SLC9B1: variants seen among roughly 807,000 people sequenced by gnomAD.
SLC9B1 encodes the protein sodium/hydrogen exchanger 9B1.
SLC9B1 carries 32 observed loss-of-function variants against 51.7 expected under a neutral mutation model. That is an observed-to-expected ratio of 0.62 (90% CI 0.47 to 0.83). The LOEUF (loss-of-function observed/expected upper bound fraction) is 0.83. Among genes scored for constraint, SLC9B1 ranks in the 40% least tolerant of loss-of-function variants. SLC9B1 has a pLI of 0.00. For synonymous variants in SLC9B1, 145 were observed against 212.7 expected, an observed-to-expected ratio of 0.68 and a Z score of 2.77; for missense variants, 406 against 613.2, an observed-to-expected ratio of 0.66 and a Z score of 3.57.
intron 4 of SLC9B1, among the ~76,000 whole-genome samples, chr4:102,948,325 TACACACACACACAC>T (rs375091561): frequency 7.8e-5 from 10 of 127,548 alleles, no homozygotes; most frequent in Non-Finnish European, 1.1e-4. Flanking sequence ...GGCAAAGCCA[TACACACACACACAC>T]ACACACACAC....
intron 3 of SLC9B1, among the ~76,000 whole-genome samples, chr4:102,968,737 C>A (rs568449218): frequency 4.7e-4 from 72 of 152,326 alleles, no homozygotes; most frequent in African/African-American, 1.7e-3. Flanking sequence ...ATCGCCTCAT[C>A]CGGGAAGCAG....
At chr4:102,951,516 G>A (rs1179759886) in intron 3 of SLC9B1, among the ~76,000 whole-genome samples, 1 of 151,684 alleles carries the variant, frequency 6.6e-6, no homozygotes, top group Non-Finnish European at 1.5e-5. Context: ...GACATGAGAA[G>A]AAGAAATTAC....
chr4:102,931,178 A>T (rs1480820422), intron 7 of SLC9B1, among the ~76,000 whole-genome samples: 1 of 150,472 alleles, frequency 6.6e-6, no homozygotes, highest in African/African-American at 2.5e-5. Context: ...GTGAGCCGAG[A>T]TTGTGCCACT....
chr4:102,923,263 C>G (rs1211978885), intron 7 of SLC9B1, among the ~76,000 whole-genome samples: 1 of 152,176 alleles, frequency 6.6e-6, no homozygotes, highest in African/African-American at 2.4e-5. Flanking sequence ...TCAACATACA[C>G]AAATCAATAA....
At chr4:102,974,327 T>G (rs560428813) in intron 3 of SLC9B1, among the ~76,000 whole-genome samples, 42 of 140,754 alleles carry the variant, frequency 3.0e-4, no homozygotes, top group African/African-American at 1.1e-3. Context: ...AAATAGACAT[T>G]AATAAACTAT....
At chr4:103,007,780 C>T (rs1187933430) in intron 1 of SLC9B1, among the ~76,000 whole-genome samples, 3 of 151,528 alleles carry the variant, frequency 2.0e-5, no homozygotes, top group South Asian at 2.1e-4. Flanking sequence ...TTTGTAGGGA[C>T]GGGGTCTCCC....
rs765709645 is a variant in SLC9B1 at position 102,951,960 on chromosome 4, CTT to C, written c.212-2535_212-2534del. On this transcript the variant is annotated intron_variant, in intron 3 of 11. Coordinates refer to ENST00000296422, the MANE Select transcript of SLC9B1 (RefSeq NM_139173.4). The stretch of plus-strand genomic sequence containing the variant: ...AGACTACCAAAGGCAAAAATAAAAT[CTT>C]TTTTTTTTTTTTTTTTTTATTATAC... 1.1e-3 allele frequency among the ~76,000 whole-genome samples: 7 copies of C among 6,552 alleles called. 3 individuals are homozygous for C. Among genetic ancestry groups the C allele is most frequent in the Admixed American group, 5.0e-3 (2 of 400 alleles). The allele number at this position is 6,552 out of a possible 152,430, so 4.3% of individuals were successfully genotyped here.
At chr4:103,009,858 G>A (rs1308357490) in intron 1 of SLC9B1, among the ~76,000 whole-genome samples, 3 of 152,116 alleles carry the variant, frequency 2.0e-5, no homozygotes, top group Non-Finnish European at 4.4e-5. Flanking sequence ...AAATGAATTT[G>A]AGACCTACAT....
rs542813943 is a variant in SLC9B1 at position 102,946,650 on chromosome 4, T to C, written c.522A>G (p.Pro174=). ...ILIRAGLGLD[P]QALRHLKVVC... ...CGATTTGTAATTGTAAATCTACCTG[T>C]GGATCGAGTCCAAGCCCAGCTCTTA... Residue 174 remains proline (P), a synonymous_variant, in exon 5 of 12, where the codon CCA becomes CCG. Transcript: ENST00000296422. 1.2e-6 allele frequency: 2 copies of C among 1,604,574 alleles called. No homozygotes were observed. The highest frequency in any genetic ancestry group is 2.3e-5 in the South Asian group (2 of 88,698).
chr4:102,944,040 T>C (rs1420399179), intron 6 of SLC9B1, among the ~76,000 whole-genome samples: 2 of 152,058 alleles, frequency 1.3e-5, no homozygotes, highest in Non-Finnish European at 2.9e-5. Flanking sequence ...CATAGAATAA[T>C]ACACAGCCAC....
intron 5 of SLC9B1, among the ~76,000 whole-genome samples, chr4:102,946,038 T>C (rs73838704): frequency 6.6e-6 from 1 of 152,252 alleles, no homozygotes; most frequent in African/African-American, 2.4e-5. Context: ...CTGAAATCCT[T>C]AATCTCCCTA....
intron 1 of SLC9B1, among the ~76,000 whole-genome samples, chr4:103,009,128 A>G (rs1740962779): frequency 1.3e-5 from 2 of 152,194 alleles, no homozygotes; most frequent in Non-Finnish European, 2.9e-5. Context: ...CTATGATTCT[A>G]TTATCTGAGG....
chr4:102,966,124 G>A (rs1738414230), intron 3 of SLC9B1, among the ~76,000 whole-genome samples: 1 of 152,182 alleles, frequency 6.6e-6, no homozygotes, highest in African/African-American at 2.4e-5. Flanking sequence ...GGTGGCAATG[G>A]CTCTATAGTT....
intron 2 of SLC9B1, among the ~76,000 whole-genome samples, chr4:102,990,526 T>C (rs145307092): frequency 1.5e-3 from 223 of 152,076 alleles, no homozygotes; most frequent in African/African-American, 5.2e-3. Context: ...AAAGGAATCT[T>C]TGGTTTGTGA....
intron 3 of SLC9B1, among the ~76,000 whole-genome samples, chr4:102,969,066 C>G (rs184781593): frequency 6.6e-6 from 1 of 152,180 alleles, no homozygotes; most frequent in Non-Finnish European, 1.5e-5. Context: ...TGCAGCTCAA[C>G]GAGGCCTGGC....
At chr4:102,906,792 A>G in intron 9 of SLC9B1, 148 bp from the exon 10 acceptor site, 1 of 589,366 alleles carries the variant, frequency 1.7e-6, no homozygotes, top group Non-Finnish European at 3.0e-6. Flanking sequence ...GTGTAGTGGC[A>G]TAATCATAGC....
At chr4:102,987,042 T>C (rs1015509984) in intron 3 of SLC9B1, among the ~76,000 whole-genome samples, 1 of 152,184 alleles carries the variant, frequency 6.6e-6, no homozygotes, top group Non-Finnish European at 1.5e-5. Flanking sequence ...AAGATAAACA[T>C]GATGTACTGA....
intron 4 of SLC9B1, 61 bp from the exon 5 acceptor site, chr4:102,946,850 T>C (rs1737294525): frequency 4.1e-6 from 6 of 1,459,782 alleles, no homozygotes; most frequent in Non-Finnish European, 5.5e-6. Context: ...AAAACGGAAA[T>C]GTTTACTTTC....
chr4:102,948,366 A>ACACG (rs1385767208), intron 4 of SLC9B1, among the ~76,000 whole-genome samples: 4,789 of 150,454 alleles, frequency 0.032, 277 homozygotes, highest in African/African-American at 0.11. Flanking sequence ...ACACACACAC[A>ACACG]CTACTGGTCA....
Sources: gnomAD v4.1 joint callset for allele counts (sites outside exome capture counted in the v4.1 genomes callset) on GRCh38, gnomAD v4.1.1 for gene constraint, MANE v1.5 for transcripts, NCBI Gene and HGNC (gene_info 2026-07-23, HGNC 2026-07-21) for gene names.